TMX2: variants seen among roughly 807,000 people sequenced by gnomAD.
The protein encoded by TMX2 is thioredoxin related transmembrane protein 2.
A neutral mutation model predicts 33.4 loss-of-function variants in TMX2; 20 were observed. That is an observed-to-expected ratio of 0.60 (90% CI 0.42 to 0.87). The LOEUF is 0.87. Among genes scored for constraint, TMX2 ranks in the 40% least tolerant of loss-of-function variants. The pLI is 0.00. For synonymous variants in TMX2, 166 were observed against 140.7 expected (o/e 1.18, Z -1.27); for missense variants, 340 against 370.7 (o/e 0.92, Z 0.68).
At chr11:57,738,858 T>C in intron 5 of TMX2, 88 bp downstream of exon 5, 1 of 1,541,682 alleles carries the variant, frequency 6.5e-7, no homozygotes, top group Non-Finnish European at 9.0e-7. Context: ...CTTTTGGCCT[T>C]GATTTTCACA....
intron 7 of TMX2, among the ~76,000 whole-genome samples, chr11:57,739,628 A>G (rs1360031832): frequency 6.6e-6 from 1 of 152,148 alleles, no homozygotes; most frequent in African/African-American, 2.4e-5. Flanking sequence ...GTGGTGGCGC[A>G]TGCCTATAAT....
At chr11:57,733,287 C>T (rs1296581015) in intron 1 of TMX2, among the ~76,000 whole-genome samples, 1 of 117,288 alleles carries the variant, frequency 8.5e-6, no homozygotes, top group Admixed American at 1.1e-4. Context: ...TGGAGTTTCA[C>T]TCTTGTCGCC....
chr11:57,738,810 C>T, intron 5 of TMX2, 40 bp downstream of exon 5: 1 of 1,575,002 alleles, frequency 6.3e-7, no homozygotes, highest in Non-Finnish European at 8.7e-7. Flanking sequence ...AATGGAGATG[C>T]TGTGCCTTCC....
chr11:57,726,694 TG>T (rs1948022576), intron 1 of TMX2, among the ~76,000 whole-genome samples: 1 of 152,032 alleles, frequency 6.6e-6, no homozygotes, highest in Non-Finnish European at 1.5e-5. Flanking sequence ...ACAAAAGTTG[TG>T]GGAAAAATAG....
Position 57,738,044 on chromosome 11 carries a change from CTTTCT to C in TMX2, c.364+22_364+26del, listed in dbSNP as rs1356309815. ...CTGCATAGGTGAGGAGACTGCCTTT[CTTTCT>C]TTTTTTTTTTTTGTAAGACTGTGTT... On this transcript the variant is annotated intron_variant, in intron 3 of 7. Transcript: ENST00000278422. The C allele has an allele frequency of 3.9e-6, 6 of 1,523,068 alleles. No individual in the cohort carries two copies. Among genetic ancestry groups the C allele is most frequent in the South Asian group, 2.5e-5 (2 of 79,686 alleles). 94.3% of individuals were successfully genotyped at this position (1,523,068 alleles called of 1,614,324 possible). A position where few individuals can be genotyped will look rare whatever the true frequency, so the allele number is the denominator to read the frequency against.
intron 1 of TMX2, among the ~76,000 whole-genome samples, chr11:57,721,490 A>G (rs1016610590): frequency 6.6e-6 from 1 of 151,054 alleles, no homozygotes; most frequent in Non-Finnish European, 1.5e-5. Flanking sequence ...CTAATTTTGT[A>G]TTTTTAGTAG....
intron 1 of TMX2, among the ~76,000 whole-genome samples, chr11:57,728,387 C>G (rs1274577059): frequency 6.6e-6 from 1 of 152,078 alleles, no homozygotes; most frequent in Non-Finnish European, 1.5e-5. Context: ...TTTTTGGCAA[C>G]AGTAATATGG....
At chr11:57,717,544 A>T (rs1947220165) in intron 1 of TMX2, among the ~76,000 whole-genome samples, 1 of 152,022 alleles carries the variant, frequency 6.6e-6, no homozygotes, top group African/African-American at 2.4e-5. Flanking sequence ...CCACCAAAAA[A>T]GTACGAAAAC....
At chr11:57,727,391 G>A (rs1052739514) in intron 1 of TMX2, among the ~76,000 whole-genome samples, 8 of 151,874 alleles carry the variant, frequency 5.3e-5, no homozygotes, top group African/African-American at 1.9e-4. Context: ...ACCTGCTGGT[G>A]TTTGTTGGTC....
At chr11:57,733,349 G>T (rs192635032) in intron 1 of TMX2, among the ~76,000 whole-genome samples, 23 of 148,970 alleles carry the variant, frequency 1.5e-4, no homozygotes, top group Non-Finnish European at 4.4e-5. Flanking sequence ...TCCGCCTCTC[G>T]GGTTCAAGCG....
At chr11:57,712,906 G>C in intron 1 of TMX2, 99 bp downstream of exon 1, 1 of 1,322,780 alleles carries the variant, frequency 7.6e-7, no homozygotes, top group Non-Finnish European at 1.1e-6. Context: ...GGACACCTGA[G>C]GTTCCGAGCC....
chr11:57,738,931 C>T (rs745996759), intron 5 of TMX2, 43 bp from the exon 6 acceptor site: 1 of 1,589,404 alleles, frequency 6.3e-7, no homozygotes, highest in African/African-American at 1.3e-5. Context: ...TTTCCTTGAT[C>T]CATTATTTTT....
In TMX2 at chr11:57,712,613, G is replaced by A; in HGVS notation, c.-6G>A. ...CCGGCGAGCAGTGGCCGTTACGGCC[G>A]AAAAGATGGCGGTCTTGGCACCTCT... On this transcript the variant is annotated 5_prime_UTR_variant, in exon 1 of 8. Transcript: ENST00000278422. 1.2e-6 allele frequency: 2 copies of A among 1,606,574 alleles called. No individual in the cohort carries two copies. The highest frequency in any genetic ancestry group is 1.7e-6 in the Non-Finnish European group (2 of 1,175,018).
At chr11:57,738,323 G>A (rs777062227) in intron 3 of TMX2, 31 bp from the exon 4 acceptor site, 2 of 1,525,832 alleles carry the variant, frequency 1.3e-6, no homozygotes, top group Non-Finnish European at 1.8e-6. Flanking sequence ...GGCTTTTTAT[G>A]TTTCCTTCGA....
rs759161110 is a variant in TMX2 at position 57,739,207 on chromosome 11, C to A, written c.691C>A (p.Arg231=). ...ILFQGGKEAM[R]RPQIDKKGRA... Reference sequence around the variant, plus strand: ...GTTCCAAGGTGGCAAGGAGGCAATGCGGCGGCCACAGATTGACAAGAAAGG... The same window carrying A: ...GTTCCAAGGTGGCAAGGAGGCAATGAGGCGGCCACAGATTGACAAGAAAGG... The change falls in exon 7 of 8, where the codon CGG becomes AGG. Residue 231 remains arginine (R), a synonymous_variant. Transcript: ENST00000278422. 4 of 1,614,084 alleles carry A rather than the reference C, an allele frequency of 2.5e-6. No individual in the cohort carries two copies. In the South Asian group the frequency reaches 4.4e-5, roughly 18 times the overall value.
intron 1 of TMX2, among the ~76,000 whole-genome samples, chr11:57,713,688 T>C (rs991500045): frequency 6.6e-6 from 1 of 152,224 alleles, no homozygotes; most frequent in South Asian, 2.1e-4. Context: ...ATGAGGGAAT[T>C]GCAGGAGAAT....
intron 1 of TMX2, among the ~76,000 whole-genome samples, chr11:57,737,145 C>T (rs1225093389): frequency 1.3e-5 from 2 of 152,142 alleles, no homozygotes; most frequent in Non-Finnish European, 2.9e-5. Context: ...TGTTGAAAAG[C>T]ACCGCAGGCC....
chr11:57,737,753 A>AC (rs1182798752), intron 2 of TMX2, 85 bp downstream of exon 2: 1 of 1,564,500 alleles, frequency 6.4e-7, no homozygotes, highest in Non-Finnish European at 8.8e-7. Context: ...AGTGGCAATC[A>AC]TTTGGTAAAT....
At chr11:57,716,658 G>T (rs71460549) in intron 1 of TMX2, among the ~76,000 whole-genome samples, 32 of 127,610 alleles carry the variant, frequency 2.5e-4, no homozygotes, top group Admixed American at 4.3e-4. Context: ...CTGGCCGAGC[G>T]GGGGGCTGAC....
Sources: allele counts gnomAD v4.1 joint callset (sites outside exome capture counted in the v4.1 genomes callset), GRCh38; gene constraint gnomAD v4.1.1; transcripts MANE v1.5; gene names NCBI Gene and HGNC (gene_info 2026-07-23, HGNC 2026-07-21).